Variants in FBXO25 observed in about 807,000 individuals in gnomAD.
The protein encoded by FBXO25 is F-box only protein 25.
FBXO25 carries 45 observed loss-of-function variants against 51.9 expected under a neutral mutation model. The observed-to-expected ratio is 0.87, with a 90% confidence interval of 0.68 to 1.11. FBXO25 has a LOEUF of 1.11. FBXO25 is among the 50% of genes most tolerant of loss of function. FBXO25 has a pLI of 0.00. For missense variants in FBXO25, 507 were observed against 428.5 expected (o/e 1.18, Z -1.62); for synonymous variants, 199 against 151.0 (o/e 1.32, Z -2.33).
intron 5 of FBXO25, among the ~76,000 whole-genome samples, chr8:438,973 A>T (rs757582150): frequency 2.0e-5 from 3 of 152,138 alleles, no homozygotes; most frequent in Non-Finnish European, 4.4e-5. Flanking sequence ...CTGTTCACCC[A>T]CTGCTGAAAA....
intron 9 of FBXO25, 134 bp from the exon 10 acceptor site, chr8:468,581 A>C (rs774421442): frequency 3.1e-6 from 2 of 635,016 alleles, no homozygotes; most frequent in Non-Finnish European, 5.4e-6. Flanking sequence ...ATTCTCATCC[A>C]AGTTATCTCC....
At chr8:434,676 T>C (rs917316232) in intron 4 of FBXO25, among the ~76,000 whole-genome samples, 1 of 152,158 alleles carries the variant, frequency 6.6e-6, no homozygotes, top group Non-Finnish European at 1.5e-5. Flanking sequence ...TCTATTATTT[T>C]TTTCTAGCTT....
At position 474,692 on chromosome 8, in the gene FBXO25, C is replaced by T; in HGVS notation, c.*5888C>T. 2 of 453,482 alleles carry T rather than the reference C, an allele frequency of 4.4e-6. No homozygotes were observed. The highest frequency in any genetic ancestry group is 4.4e-6 in the Non-Finnish European group (1 of 226,214). The allele number at this position is 453,482 out of a possible 1,614,324, so 28.1% of individuals were successfully genotyped here. A position where few individuals can be genotyped will look rare whatever the true frequency, so the allele number is the denominator to read the frequency against. On this transcript the variant is annotated 3_prime_UTR_variant, in exon 10 of 10. Coordinates refer to ENST00000350302, the MANE Select transcript of FBXO25 (RefSeq NM_183420.2). ...GTCTTTGGAGAAATGTCTATTTGGG[C>T]TCTTTGTCCATTTTTCAATCAGGTG...
intron 5 of FBXO25, among the ~76,000 whole-genome samples, chr8:444,487 TC>T (rs1377609792): frequency 2.0e-5 from 3 of 152,256 alleles, no homozygotes; most frequent in African/African-American, 7.2e-5. Context: ...GATCTCTAAT[TC>T]TTTGAAATGA....
chr8:458,405 C>T lies in FBXO25; in HGVS notation c.697C>T (p.Leu233=), dbSNP rs778538789. The part of the protein sequence containing the change: ...NNGLTLSDLP[L]HMLNNILYRF... Reference sequence around the variant, plus strand: ...TGGCCTCACCCTCAGTGACCTTCCTCTGCACATGCTGAACAACATCCTATA... The same window carrying T: ...TGGCCTCACCCTCAGTGACCTTCCTTTGCACATGCTGAACAACATCCTATA... The change falls in exon 8 of 10, where the codon CTG becomes TTG. Residue 233 remains leucine, a synonymous_variant. Coordinates refer to ENST00000350302, the MANE Select transcript of FBXO25 (RefSeq NM_183420.2). 1.9e-6 allele frequency: 3 copies of T among 1,614,036 alleles called. No homozygotes were observed. Among genetic ancestry groups the T allele is most frequent in the Non-Finnish European group, 1.7e-6 (2 of 1,180,014 alleles).
chr8:471,291 G>A lies in FBXO25; in HGVS notation c.*2487G>A, dbSNP rs896598517. Reference sequence around the variant, plus strand: ...GCTGGGGAGAGATTGAAAGGTTAATGGAGGGTATAAGGACAGAATAAAGAC... The same window carrying A: ...GCTGGGGAGAGATTGAAAGGTTAATAGAGGGTATAAGGACAGAATAAAGAC... On this transcript the variant is annotated 3_prime_UTR_variant, in exon 10 of 10. Coordinates refer to ENST00000350302, the MANE Select transcript of FBXO25 (RefSeq NM_183420.2). The A allele has an allele frequency of 6.6e-6, 1 of 152,190 alleles. No individual in the cohort carries two copies. The highest frequency in any genetic ancestry group is 6.5e-5 in the Admixed American group (1 of 15,272). 9.4% of individuals were successfully genotyped at this position (152,190 alleles called of 1,614,324 possible).
chr8:417,607 A>G (rs1796887715), intron 2 of FBXO25, among the ~76,000 whole-genome samples: 2 of 152,172 alleles, frequency 1.3e-5, no homozygotes, highest in Admixed American at 1.3e-4. Context: ...GTGCCTAGGA[A>G]CAGAAGCACA....
At chr8:412,364 T>G (rs1165258806) in intron 1 of FBXO25, among the ~76,000 whole-genome samples, 1 of 152,192 alleles carries the variant, frequency 6.6e-6, no homozygotes, top group Non-Finnish European at 1.5e-5. Flanking sequence ...TTCCTAAATA[T>G]TTCTGCAGTC....
rs1242295582 is a variant in FBXO25 at position 476,546 on chromosome 8, T to C, written c.*7742T>C. ...CATGCTCTTGACTAGCATAGGTCTG[T>C]TCAGATTTTCCATTTCTTCATGATT... is the stretch of plus-strand genomic sequence containing the variant. On this transcript the variant is annotated 3_prime_UTR_variant, in exon 10 of 10. Transcript: ENST00000350302. 2.6e-5 allele frequency: 4 copies of C among 152,184 alleles called. No homozygotes were observed. Among genetic ancestry groups the C allele is most frequent in the African/African-American group, 9.6e-5 (4 of 41,462 alleles). The allele number at this position is 152,184 out of a possible 1,614,324, so 9.4% of individuals were successfully genotyped here. A position where few individuals can be genotyped will look rare whatever the true frequency, so the allele number is the denominator to read the frequency against.
chr8:475,990 T>C lies in FBXO25; in HGVS notation c.*7186T>C, dbSNP rs556280086. On this transcript the variant is annotated 3_prime_UTR_variant, in exon 10 of 10. Coordinates refer to ENST00000350302, the MANE Select transcript of FBXO25 (RefSeq NM_183420.2). ...TGATCTTAAAGTCCTTTCAGTCTTA[T>C]TGAATATGATGTTTACAGTGGGATG... 9.8e-5 allele frequency: 15 copies of C among 152,310 alleles called. No homozygotes were observed. The highest frequency in any genetic ancestry group is 3.9e-4 in the East Asian group (2 of 5,188). 9.4% of individuals were successfully genotyped at this position (152,310 alleles called of 1,614,324 possible).
intron 2 of FBXO25, among the ~76,000 whole-genome samples, chr8:419,237 C>T (rs1159516240): frequency 6.6e-6 from 1 of 151,772 alleles, no homozygotes; most frequent in Non-Finnish European, 1.5e-5. Context: ...AGCGTGGTGA[C>T]AGGTGCCTGT....
chr8:432,441 G>GA (rs1196722512), intron 3 of FBXO25, among the ~76,000 whole-genome samples: 1 of 152,086 alleles, frequency 6.6e-6, no homozygotes, highest in Non-Finnish European at 1.5e-5. Context: ...GAATACGGGG[G>GA]GACTACTTTA....
intron 2 of FBXO25, among the ~76,000 whole-genome samples, chr8:428,192 C>G (rs1015758662): frequency 6.6e-6 from 1 of 151,748 alleles, no homozygotes; most frequent in South Asian, 2.1e-4. Flanking sequence ...AAAAGTGATT[C>G]CCTGTCCTTG....
chr8:442,101 G>C (rs1798460484), intron 5 of FBXO25, among the ~76,000 whole-genome samples: 2 of 152,018 alleles, frequency 1.3e-5, no homozygotes, highest in African/African-American at 4.8e-5. Context: ...TGTTTGCTCT[G>C]GTGAGTGTTG....
chr8:426,206 C>T (rs1261218078), intron 2 of FBXO25, among the ~76,000 whole-genome samples: 1 of 152,154 alleles, frequency 6.6e-6, no homozygotes, highest in East Asian at 1.9e-4. Flanking sequence ...GGAGCTTATT[C>T]TTTAGTGGGT....
At chr8:459,389 G>C (rs1461643405) in intron 8 of FBXO25, among the ~76,000 whole-genome samples, 1 of 152,232 alleles carries the variant, frequency 6.6e-6, no homozygotes, top group Non-Finnish European at 1.5e-5. Context: ...TGGGGAGGGT[G>C]CTGTGTGTTT....
chr8:410,806 T>G (rs1796444023), intron 1 of FBXO25, among the ~76,000 whole-genome samples: 1 of 152,200 alleles, frequency 6.6e-6, no homozygotes, highest in Non-Finnish European at 1.5e-5. Flanking sequence ...AATTAATCAT[T>G]ATGTGACTGA....
At chr8:456,246 G>T (rs1283677236) in intron 7 of FBXO25, among the ~76,000 whole-genome samples, 3 of 152,128 alleles carry the variant, frequency 2.0e-5, no homozygotes, top group African/African-American at 7.2e-5. Context: ...GTCTTGCTCT[G>T]TTGCCCAGGC....
At chr8:449,754 C>T (rs1460767931) in intron 5 of FBXO25, among the ~76,000 whole-genome samples, 1 of 152,160 alleles carries the variant, frequency 6.6e-6, no homozygotes, top group Non-Finnish European at 1.5e-5. Flanking sequence ...AAATGAATAG[C>T]CTGCAAGACT....
Sources: gnomAD v4.1 joint callset for allele counts (sites outside exome capture counted in the v4.1 genomes callset) on GRCh38, gnomAD v4.1.1 for gene constraint, MANE v1.5 for transcripts, NCBI Gene and HGNC (gene_info 2026-07-23, HGNC 2026-07-21) for gene names.